FAF1: variants seen among roughly 807,000 people sequenced by gnomAD.
FAF1 encodes Fas associated factor 1, also known as FAS-associated factor 1.
Under a neutral mutation model 92.5 loss-of-function variants are expected in FAF1, and 25 were observed. The ratio of observed to expected loss-of-function variants is 0.27; its 90% confidence interval spans 0.20 to 0.38. The LOEUF (loss-of-function observed/expected upper bound fraction) is 0.38. Among genes scored for constraint, FAF1 ranks in the 10% least tolerant of loss-of-function variants. The pLI is 1.00. For synonymous variants in FAF1, 234 were observed against 273.2 expected (o/e 0.86, Z 1.42); for missense variants, 636 against 793.3 (o/e 0.80, Z 2.38).
intron 6 of FAF1, among the ~76,000 whole-genome samples, chr1:50,726,122 G>C (rs1658639818): frequency 6.6e-6 from 1 of 152,002 alleles, no homozygotes; most frequent in Non-Finnish European, 1.5e-5. Flanking sequence ...CAGGCACAGT[G>C]GTGGGCACCT....
intron 6 of FAF1, among the ~76,000 whole-genome samples, chr1:50,715,728 C>T (rs1239300230): frequency 6.6e-6 from 1 of 152,096 alleles, no homozygotes; most frequent in African/African-American, 2.4e-5. Flanking sequence ...AGAGAGGTTA[C>T]CTGTAAAATA....
intron 1 of FAF1, among the ~76,000 whole-genome samples, chr1:50,885,476 T>C (rs1311973586): frequency 6.6e-6 from 1 of 152,154 alleles, no homozygotes; most frequent in Non-Finnish European, 1.5e-5. Flanking sequence ...TCCTGAACTT[T>C]ATTTTGTCTG....
chr1:50,607,332 C>T lies in FAF1; in HGVS notation c.745-11116G>A, dbSNP rs1652473899. On this transcript the variant is annotated intron_variant, in intron 8 of 18. Transcript: ENST00000396153. ...AATCTGCCTCTTATTCATTCTGTGA[C>T]CTTGATCGACTTTCTTCTCTAAGTT... Among the ~76,000 whole-genome samples the T allele has an allele frequency of 2.6e-5, 4 of 152,136 alleles. No individual in the cohort carries two copies. The South Asian group carries it at 8.3e-4, about 32-fold the overall frequency.
At chr1:50,739,354 G>GTACATGTGTACACGTACATGCATA (rs1557502831) in intron 5 of FAF1, among the ~76,000 whole-genome samples, 2 of 151,672 alleles carry the variant, frequency 1.3e-5, no homozygotes, top group Non-Finnish European at 2.9e-5. Context: ...ATATACATGT[G>GTACATGTGTACACGTACATGCATA]TACATGTGTA....
In FAF1 at chr1:50,874,758, C is replaced by CTTT. The variant is rs755424291; in HGVS notation, c.46-16764_46-16762dup. On this transcript the variant is annotated intron_variant, in intron 1 of 18. Transcript: ENST00000396153. ...TTCTCCATCTTATTTTCTTTTCTTT[C>CTTT]TTTTTTTTTTTTTTTTTTTTTTTTT... 3.6e-3 allele frequency among the ~76,000 whole-genome samples: 245 copies of CTTT among 67,260 alleles called. 4 individuals are homozygous for CTTT. Among genetic ancestry groups the CTTT allele is most frequent in the Non-Finnish European group, 4.3e-3 (158 of 36,418 alleles). The allele number at this position is 67,260 out of a possible 152,430, so 44.1% of individuals were successfully genotyped here. A position where few individuals can be genotyped will look rare whatever the true frequency, so the allele number is the denominator to read the frequency against.
chr1:50,593,566 A>G (rs972758780), intron 9 of FAF1, among the ~76,000 whole-genome samples: 2 of 152,186 alleles, frequency 1.3e-5, no homozygotes, highest in African/African-American at 4.8e-5. Flanking sequence ...GAAACTCAAT[A>G]TTATCTTTCT....
intron 2 of FAF1, among the ~76,000 whole-genome samples, chr1:50,808,416 C>T (rs1406522426): frequency 6.6e-6 from 1 of 152,036 alleles, no homozygotes; most frequent in East Asian, 1.9e-4. Context: ...TTAATATTAA[C>T]CTCGTATGTA....
intron 7 of FAF1, among the ~76,000 whole-genome samples, chr1:50,683,930 CA>C (rs78987324): frequency 0.025 from 2,913 of 115,858 alleles, 46 homozygotes; most frequent in African/African-American, 0.062. Context: ...AACACTCCAT[CA>C]AAAAAAAAAA....
Position 50,458,852 on chromosome 1 carries a change from C to A in FAF1, c.1869+16612G>T, listed in dbSNP as rs559230492. Among the ~76,000 whole-genome samples the A allele has an allele frequency of 2.0e-5, 3 of 152,128 alleles. No homozygotes were observed. In the East Asian group the frequency reaches 5.8e-4, roughly 29 times the overall value. ...TACTATCATTATCCTTATCCTACAG[C>A]GAGGAAACTGAGCTACCTAGAGGCT... On this transcript the variant is annotated intron_variant, in intron 18 of 18. Coordinates refer to ENST00000396153, the MANE Select transcript of FAF1 (RefSeq NM_007051.3).
chr1:50,731,836 T>TTTTCTCC (rs1317245191), intron 6 of FAF1, among the ~76,000 whole-genome samples: 1 of 152,134 alleles, frequency 6.6e-6, no homozygotes, highest in Non-Finnish European at 1.5e-5. Context: ...TTGAAGTAAA[T>TTTTCTCC]TATCTGTAGG....
At chr1:50,812,764 A>C (rs1643929152) in intron 2 of FAF1, among the ~76,000 whole-genome samples, 2 of 152,222 alleles carry the variant, frequency 1.3e-5, no homozygotes, top group African/African-American at 4.8e-5. Flanking sequence ...ATAAAGATAC[A>C]TGCGTGTATC....
intron 7 of FAF1, among the ~76,000 whole-genome samples, chr1:50,669,597 A>G (rs1046970578): frequency 8.5e-5 from 13 of 152,400 alleles, no homozygotes; most frequent in African/African-American, 2.6e-4. Context: ...CAAGAAAGCA[A>G]AAGTTAGTAT....
intron 8 of FAF1, among the ~76,000 whole-genome samples, chr1:50,652,681 C>T (rs1157789304): frequency 2.0e-5 from 3 of 152,208 alleles, no homozygotes; most frequent in African/African-American, 7.2e-5. Flanking sequence ...CTAGATTCAA[C>T]AATGATTGAT....
chr1:50,938,809 G>A (rs1015802527), intron 1 of FAF1, among the ~76,000 whole-genome samples: 7 of 152,110 alleles, frequency 4.6e-5, no homozygotes, highest in African/African-American at 1.7e-4. Context: ...AGTTATCCTA[G>A]CACCATTTAT....
intron 7 of FAF1, among the ~76,000 whole-genome samples, chr1:50,704,641 AAAATG>A (rs1228346926): frequency 1.3e-5 from 2 of 152,302 alleles, no homozygotes; most frequent in Middle Eastern, 3.4e-3. Flanking sequence ...ATGGAGGTTG[AAAATG>A]AAATTACAAT....
chr1:50,481,047 CTT>C (rs1156236779), intron 17 of FAF1, among the ~76,000 whole-genome samples: 1 of 151,884 alleles, frequency 6.6e-6, no homozygotes, highest in African/African-American at 2.4e-5. Context: ...TAGATAAAAA[CTT>C]ATAGAATAAG....
chr1:50,556,436 A>G (rs1649585943), intron 13 of FAF1, among the ~76,000 whole-genome samples: 2 of 152,026 alleles, frequency 1.3e-5, no homozygotes, highest in African/African-American at 2.4e-5. Context: ...ATTGGGTACA[A>G]TGTACACTAC....
intron 1 of FAF1, among the ~76,000 whole-genome samples, chr1:50,915,296 G>A (rs964434856): frequency 6.6e-6 from 1 of 151,736 alleles, no homozygotes; most frequent in Non-Finnish European, 1.5e-5. Context: ...CTTGAACCTG[G>A]GAGGCGGAGG....
intron 1 of FAF1, among the ~76,000 whole-genome samples, chr1:50,883,181 A>G (rs185344240): frequency 5.9e-5 from 9 of 152,270 alleles, no homozygotes; most frequent in African/African-American, 2.2e-4. Flanking sequence ...CAACTAACAG[A>G]TGTATGGGAC....
Sources: allele counts gnomAD v4.1 joint callset (sites outside exome capture counted in the v4.1 genomes callset), GRCh38; gene constraint gnomAD v4.1.1; transcripts MANE v1.5; gene names NCBI Gene and HGNC (gene_info 2026-07-23, HGNC 2026-07-21).